Variants in CFAP44 observed in about 807,000 individuals in gnomAD.
CFAP44 encodes cilia and flagella associated protein 44.
CFAP44 carries 134 observed loss-of-function variants against 216.2 expected under a neutral mutation model. That is an observed-to-expected ratio of 0.62 (90% CI 0.54 to 0.72). CFAP44 has a LOEUF of 0.72. CFAP44 is among the 30% of genes least tolerant of loss of function. The pLI is 0.00. For synonymous variants in CFAP44, 700 were observed against 727.6 expected, an observed-to-expected ratio of 0.96 and a Z score of 0.61; for missense variants, 2,035 against 2,182.1, an observed-to-expected ratio of 0.93 and a Z score of 1.34.
At chr3:113,321,416 T>C (rs1435669016) in intron 28 of CFAP44, among the ~76,000 whole-genome samples, 2 of 152,164 alleles carry the variant, frequency 1.3e-5, no homozygotes, top group African/African-American at 2.4e-5. Flanking sequence ...GCCAACATCA[T>C]ACTGAATAGG....
intron 18 of CFAP44, among the ~76,000 whole-genome samples, chr3:113,372,738 AAAG>A (rs908911477): frequency 6.6e-5 from 10 of 152,222 alleles, no homozygotes; most frequent in African/African-American, 2.2e-4. Context: ...TAATAAAAAA[AAAG>A]AAGAAGAGGA....
At chr3:113,380,099 CATA>C (rs1375257443) in intron 16 of CFAP44, among the ~76,000 whole-genome samples, 1 of 152,124 alleles carries the variant, frequency 6.6e-6, no homozygotes, top group Non-Finnish European at 1.5e-5. Flanking sequence ...AGGTTAGTTA[CATA>C]TGTATACATG....
chr3:113,320,536 GTA>G (rs762167333), intron 28 of CFAP44, among the ~76,000 whole-genome samples: 4 of 129,964 alleles, frequency 3.1e-5, no homozygotes, highest in South Asian at 2.4e-4. Flanking sequence ...AGTTATATAT[GTA>G]TATATATAAT....
In CFAP44 at chr3:113,376,528, T is replaced by A. The variant is rs181778451; in HGVS notation, c.2298+2778A>T. Among the ~76,000 whole-genome samples the A allele has an allele frequency of 1.4e-4, 22 of 152,262 alleles. 1 individual carries two copies. In the East Asian group the frequency reaches 3.5e-3, roughly 24 times the overall value. ...CACATGAGAAGCCAGCAAAAGAGGC[T>A]GAAATGGAATGGTCAGAAGAGTGTA... On this transcript the variant is annotated intron_variant, in intron 17 of 34. Coordinates refer to ENST00000393845, the MANE Select transcript of CFAP44 (RefSeq NM_001164496.2).
chr3:113,326,278 G>A (rs1950188881), intron 28 of CFAP44, among the ~76,000 whole-genome samples, 167 bp downstream of exon 28: 1 of 152,162 alleles, frequency 6.6e-6, no homozygotes, highest in African/African-American at 2.4e-5. Context: ...AACTCGAGGT[G>A]TTGGAAGACC....
At chr3:113,337,722 T>C (rs181828132) in intron 24 of CFAP44, among the ~76,000 whole-genome samples, 1 of 152,276 alleles carries the variant, frequency 6.6e-6, no homozygotes, top group East Asian at 1.9e-4. Flanking sequence ...ACAAAAATGC[T>C]AGAGTAATTG....
At chr3:113,362,828 T>C (rs1333933758) in intron 21 of CFAP44, 4 of 1,075,054 alleles carry the variant, frequency 3.7e-6, no homozygotes, top group Non-Finnish European at 3.4e-6. Context: ...AGTGTATCTG[T>C]TATTCATGTC....
intron 24 of CFAP44, 99 bp from the exon 25 acceptor site, chr3:113,333,682 C>T: frequency 7.8e-7 from 1 of 1,279,386 alleles, no homozygotes; most frequent in Non-Finnish European, 1.0e-6. Flanking sequence ...AATCATGAAA[C>T]AAAAGTATGA....
At chr3:113,339,567 G>A (rs973128651) in intron 24 of CFAP44, among the ~76,000 whole-genome samples, 1 of 152,180 alleles carries the variant, frequency 6.6e-6, no homozygotes, top group African/African-American at 2.4e-5. Context: ...CATGAAGCAT[G>A]GTCTCCTTCC....
intron 15 of CFAP44, among the ~76,000 whole-genome samples, chr3:113,385,013 G>A (rs1385059596): frequency 2.0e-5 from 3 of 152,142 alleles, no homozygotes; most frequent in Non-Finnish European, 2.9e-5. Flanking sequence ...GAAGGTAATC[G>A]GATCATTGGG....
intron 11 of CFAP44, 144 bp from the exon 12 acceptor site, chr3:113,400,788 G>A (rs1434977553): frequency 4.0e-6 from 3 of 748,872 alleles, no homozygotes; most frequent in Admixed American, 4.7e-5. Flanking sequence ...AAGTTAGAAA[G>A]AACACTGGTT....
At chr3:113,316,251 T>C (rs1468552050) in intron 28 of CFAP44, among the ~76,000 whole-genome samples, 2 of 151,680 alleles carry the variant, frequency 1.3e-5, no homozygotes, top group Non-Finnish European at 2.9e-5. Flanking sequence ...TTGACCAGAG[T>C]GAAAATTAAA....
At chr3:113,300,133 C>T (rs889134568) in intron 32 of CFAP44, among the ~76,000 whole-genome samples, 2 of 152,144 alleles carry the variant, frequency 1.3e-5, no homozygotes, top group African/African-American at 4.8e-5. Flanking sequence ...TGCATGCTCT[C>T]CCTTATTCGT....
chr3:113,437,655 C>G (rs970625654), intron 1 of CFAP44, among the ~76,000 whole-genome samples: 7 of 152,158 alleles, frequency 4.6e-5, no homozygotes, highest in South Asian at 4.1e-4. Flanking sequence ...ACTATTCCTA[C>G]CTTTCCTGGG....
Position 113,325,179 on chromosome 3 carries a change from A to G in CFAP44, c.4516+1266T>C, listed in dbSNP as rs146335051. Reference sequence around the variant, plus strand: ...TAGCCAGGCGTGGTGGTGGGAGCCTATAATCCCAGCTACTTGGGAGGCTGA... The same window carrying G: ...TAGCCAGGCGTGGTGGTGGGAGCCTGTAATCCCAGCTACTTGGGAGGCTGA... On this transcript the variant is annotated intron_variant, in intron 28 of 34. Transcript: ENST00000393845. 1.9e-3 allele frequency among the ~76,000 whole-genome samples: 289 copies of G among 151,316 alleles called. 2 individuals are homozygous for G. Among genetic ancestry groups the G allele is most frequent in the African/African-American group, 5.7e-3 (236 of 41,306 alleles).
At chr3:113,343,919 T>C (rs1233352205) in intron 23 of CFAP44, among the ~76,000 whole-genome samples, 1 of 152,198 alleles carries the variant, frequency 6.6e-6, no homozygotes, top group Admixed American at 6.5e-5. Flanking sequence ...CTTTTATTTA[T>C]TATTGAATGG....
intron 2 of CFAP44, chr3:113,432,252 A>C (rs1178553124): frequency 6.6e-6 from 1 of 152,210 alleles, no homozygotes; most frequent in Non-Finnish European, 1.5e-5. Context: ...AAACACAGAC[A>C]GCTCTTAAGG....
chr3:113,392,927 C>G (rs1207725787), intron 15 of CFAP44, among the ~76,000 whole-genome samples: 1 of 152,188 alleles, frequency 6.6e-6, no homozygotes, highest in African/African-American at 2.4e-5. Flanking sequence ...CTTTCATGCT[C>G]TAGTCACATC....
rs561003683 is a variant in CFAP44, at chr3:113,384,390, A to AT, written c.1891-3331dup. On this transcript the variant is annotated intron_variant, in intron 15 of 34. Coordinates refer to ENST00000393845, the MANE Select transcript of CFAP44 (RefSeq NM_001164496.2). ...AGTTGACTTTTAAGCTTGAGCTCTTATAGTTGTTATGTGCTGAATTGTGTC... is the reference window on the plus strand; with the variant it reads ...AGTTGACTTTTAAGCTTGAGCTCTTATTAGTTGTTATGTGCTGAATTGTGTC... 9.6e-4 allele frequency among the ~76,000 whole-genome samples: 146 copies of AT among 152,218 alleles called. 2 individuals carry two copies. In the South Asian group the frequency reaches 0.017, roughly 18 times the overall value.
Sources: gnomAD v4.1 joint callset for allele counts (sites outside exome capture counted in the v4.1 genomes callset) on GRCh38, gnomAD v4.1.1 for gene constraint, MANE v1.5 for transcripts, NCBI Gene and HGNC (gene_info 2026-07-23, HGNC 2026-07-21) for gene names.